Variants in FAM81A observed in about 807,000 individuals in gnomAD.
FAM81A encodes the protein family with sequence similarity 81 member A, also known as protein FAM81A.
In FAM81A, 19 loss-of-function variants were observed where a neutral mutation model predicts 46.7. The observed-to-expected ratio is 0.41, with a 90% confidence interval of 0.28 to 0.60. FAM81A has a LOEUF of 0.60. Ranked by LOEUF, FAM81A falls within the 20% of genes least tolerant of loss-of-function variation. The pLI, the probability that FAM81A is intolerant of heterozygous loss-of-function variation, is 0.34. For missense variants in FAM81A, 377 were observed against 453.5 expected (o/e 0.83, Z 1.53); for synonymous variants, 183 against 152.9 (o/e 1.20, Z -1.45).
At chr15:59,426,391 A>C (rs2081194510) in intron 2 of FAM81A, among the ~76,000 whole-genome samples, 1 of 152,138 alleles carries the variant, frequency 6.6e-6, no homozygotes, top group Non-Finnish European at 1.5e-5. Context: ...CGATCACCTG[A>C]GGTTGGGAGT....
At chr15:59,478,665 C>A (rs1038686019) in intron 3 of FAM81A, among the ~76,000 whole-genome samples, 1 of 152,306 alleles carries the variant, frequency 6.6e-6, no homozygotes, top group East Asian at 1.9e-4. Flanking sequence ...TGTTTTCATT[C>A]TACCCACTAG....
upstream of FAM81A, among the ~76,000 whole-genome samples, chr15:59,435,781 AT>A (rs1188117135): frequency 6.6e-6 from 1 of 152,238 alleles, no homozygotes; most frequent in African/African-American, 2.4e-5. Context: ...GCATAAAATA[AT>A]TTGTGATAAA....
chr15:59,438,605 C>G (rs1310612702), intron 1 of FAM81A: 1 of 152,194 alleles, frequency 6.6e-6, no homozygotes, highest in Non-Finnish European at 1.5e-5. Flanking sequence ...GTCAGCCGAC[C>G]CACTACTCAG....
intron 6 of FAM81A, among the ~76,000 whole-genome samples, chr15:59,512,916 A>G (rs553340105): frequency 6.6e-6 from 1 of 152,208 alleles, no homozygotes. Context: ...GCTGCAAGGG[A>G]TCCTGGGAAA....
At chr15:59,416,049 T>C (rs1218543927) in intron 2 of FAM81A, among the ~76,000 whole-genome samples, 1 of 152,138 alleles carries the variant, frequency 6.6e-6, no homozygotes, top group Non-Finnish European at 1.5e-5. Context: ...CTTTGGAAAG[T>C]TTCAAACCAC....
At chr15:59,499,700 G>A (rs2082070876) in intron 4 of FAM81A, among the ~76,000 whole-genome samples, 1 of 152,012 alleles carries the variant, frequency 6.6e-6, no homozygotes, top group African/African-American at 2.4e-5. Flanking sequence ...TTGGTTGACA[G>A]CTTATTTTCT....
At chr15:59,477,938 T>G (rs2081793634) in intron 3 of FAM81A, among the ~76,000 whole-genome samples, 1 of 152,226 alleles carries the variant, frequency 6.6e-6, no homozygotes, top group African/African-American at 2.4e-5. Context: ...TTTCCACCAA[T>G]GATCATCATC....
chr15:59,485,704 C>T (rs573213334), intron 3 of FAM81A, among the ~76,000 whole-genome samples: 1 of 152,184 alleles, frequency 6.6e-6, no homozygotes, highest in Non-Finnish European at 1.5e-5. Context: ...TCAAGACCAT[C>T]TAGGAAAACA....
intron 3 of FAM81A, among the ~76,000 whole-genome samples, chr15:59,487,322 C>A (rs1262957391): frequency 2.0e-5 from 3 of 148,482 alleles, no homozygotes; most frequent in African/African-American, 7.4e-5. Flanking sequence ...AAAGAAGAAA[C>A]CTTCAAATAA....
intron 2 of FAM81A, among the ~76,000 whole-genome samples, chr15:59,429,132 A>G (rs1596466837): frequency 1.3e-5 from 2 of 152,210 alleles, no homozygotes; most frequent in South Asian, 2.1e-4. Context: ...TAAAGGTACT[A>G]TTCTTTCTTC....
intron 8 of FAM81A, among the ~76,000 whole-genome samples, chr15:59,518,139 AT>A (rs576524944): frequency 0.016 from 2,214 of 134,704 alleles, 24 homozygotes; most frequent in African/African-American, 0.037. Flanking sequence ...CGGCCGGCTA[AT>A]TTTTTTTTTT....
intron 3 of FAM81A, among the ~76,000 whole-genome samples, chr15:59,474,705 G>A (rs543878229): frequency 1.4e-4 from 21 of 152,264 alleles, no homozygotes; most frequent in African/African-American, 4.3e-4. Context: ...TATGCTGGTA[G>A]CAAAAAGGAC....
At chr15:59,436,562 C>T (rs1301148185), upstream of FAM81A, among the ~76,000 whole-genome samples, 1 of 152,150 alleles carries the variant, frequency 6.6e-6, no homozygotes. Context: ...TTTTTCTAGA[C>T]TCTTGGTGAT....
At position 59,460,099 on chromosome 15, in the gene FAM81A, C is replaced by T; in HGVS notation, c.187C>T (p.Gln63Ter). 1 of 1,613,944 alleles carries T rather than the reference C, an allele frequency of 6.2e-7. No homozygotes were observed. The highest frequency in any genetic ancestry group is 8.5e-7 in the Non-Finnish European group (1 of 1,179,882). The change falls in exon 3 of 9, where the codon CAG becomes TAG. Residue 63 changes from glutamine to a stop codon, truncating the protein, a stop_gained. Coordinates refer to ENST00000288228, the MANE Select transcript of FAM81A (RefSeq NM_152450.3). LOFTEE classifies it high-confidence loss of function. The surrounding 1 kb of genome is among the most constrained non-coding windows in gnomAD (Gnocchi z 4.4). ...TAAAGATGACATTGTCAACAGTTTG[C>T]AGAAAATGCAAAACAAAGGGGGAGG... ...RIKDDIVNSL[Q>*]KMQNKGGGDR...
chr15:59,459,518 T>C (rs1404376007), intron 2 of FAM81A, among the ~76,000 whole-genome samples: 1 of 152,154 alleles, frequency 6.6e-6, no homozygotes, highest in Non-Finnish European at 1.5e-5. Context: ...TTGCCTCATA[T>C]GTAGTATGCT....
intron 2 of FAM81A, among the ~76,000 whole-genome samples, chr15:59,459,507 A>G (rs2081524513): frequency 6.6e-6 from 1 of 151,904 alleles, no homozygotes; most frequent in Non-Finnish European, 1.5e-5. Context: ...GACACTCCCT[A>G]TTGCCTCATA....
chr15:59,512,869 G>A (rs1033843652), intron 6 of FAM81A, among the ~76,000 whole-genome samples: 2 of 152,204 alleles, frequency 1.3e-5, no homozygotes, highest in Non-Finnish European at 1.5e-5. Context: ...CTGGAAAGGC[G>A]TGCTTATGAC....
intron 1 of FAM81A, chr15:59,401,343 T>C (rs964385057): frequency 3.7e-5 from 29 of 790,948 alleles, no homozygotes; most frequent in Non-Finnish European, 6.0e-5. Context: ...TTTACCTCCA[T>C]GGCAGTACCT....
chr15:59,431,296 G>A (rs1041260804), intron 2 of FAM81A, among the ~76,000 whole-genome samples: 8 of 151,542 alleles, frequency 5.3e-5, no homozygotes, highest in South Asian at 2.1e-4. Flanking sequence ...GTGCAGTGGC[G>A]CAATCTCAGT....
Sources: gnomAD v4.1 joint callset for allele counts (sites outside exome capture counted in the v4.1 genomes callset) on GRCh38, gnomAD v4.1.1 for gene constraint, Gnocchi (gnomAD v3.1) non-coding constraint, MANE v1.5 for transcripts, NCBI Gene and HGNC (gene_info 2026-07-23, HGNC 2026-07-21) for gene names.